The following MAPKAP1 variants were observed in gnomAD, a reference collection of about 807,000 sequenced individuals.
MAPKAP1 encodes MAPK associated protein 1, also known as target of rapamycin complex 2 subunit MAPKAP1.
In MAPKAP1, 20 loss-of-function variants were observed where a neutral mutation model predicts 65.7. The ratio of observed to expected loss-of-function variants is 0.30; its 90% CI spans 0.21 to 0.44. The LOEUF is 0.44. Among genes scored for constraint, MAPKAP1 ranks in the 20% least tolerant of loss-of-function variants. The pLI is 1.00. For synonymous variants in MAPKAP1, 222 were observed against 244.3 expected, an observed-to-expected ratio of 0.91 and a Z score of 0.85; for missense variants, 423 against 648.0, an observed-to-expected ratio of 0.65 and a Z score of 3.77.
chr9:125,457,938 C>T (rs997540416), intron 10 of MAPKAP1, among the ~76,000 whole-genome samples: 1 of 152,188 alleles, frequency 6.6e-6, no homozygotes, highest in Non-Finnish European at 1.5e-5. Context: ...TGCAAATTTC[C>T]GTTGCTTTAG....
rs766781654 is a variant in MAPKAP1 at position 125,447,493 on chromosome 9, G to A, written c.1346-2895C>T. ...AAGGAGTGATGAGCGGAACCCTGGG[G>A]GGCAAGGGCAGGTTAAGATCAGCAG... On this transcript the variant is annotated intron_variant, in intron 10 of 11. Coordinates refer to ENST00000265960, the MANE Select transcript of MAPKAP1 (RefSeq NM_001006617.3). The surrounding 1 kb of genome is among the most constrained non-coding windows in gnomAD (Gnocchi z 4.5). The A allele has an allele frequency of 3.1e-5, 14 of 456,432 alleles. No homozygotes were observed. The highest frequency in any genetic ancestry group is 2.0e-4 in the South Asian group (13 of 64,560). The allele number at this position is 456,432 out of a possible 1,614,324, so 28.3% of individuals were successfully genotyped here. A position where few individuals can be genotyped will look rare whatever the true frequency, so the allele number is the denominator to read the frequency against.
intron 4 of MAPKAP1, among the ~76,000 whole-genome samples, chr9:125,603,110 T>C (rs537492004): frequency 6.6e-6 from 1 of 152,098 alleles, no homozygotes; most frequent in East Asian, 1.9e-4. Context: ...GTCTCAATTA[T>C]GTTGCCCAGG....
At chr9:125,548,297 C>T (rs1025388426) in intron 6 of MAPKAP1, among the ~76,000 whole-genome samples, 4 of 152,192 alleles carry the variant, frequency 2.6e-5, no homozygotes, top group African/African-American at 9.7e-5. Flanking sequence ...GTGACAGTCA[C>T]AAAGGTGGAG....
chr9:125,563,988 GGCGTGA>G (rs1164455569), intron 5 of MAPKAP1, among the ~76,000 whole-genome samples: 1 of 152,224 alleles, frequency 6.6e-6, no homozygotes, highest in African/African-American at 2.4e-5. Context: ...TGGGATTATA[GGCGTGA>G]GCCACCATGC....
In MAPKAP1 at chr9:125,684,784, C is replaced by A. The variant is rs149384393; in HGVS notation, c.-69-12141G>T. Among the ~76,000 whole-genome samples, 650 of 152,272 alleles carry A rather than the reference C, an allele frequency of 4.3e-3. 7 individuals carry two copies. The highest frequency in any genetic ancestry group is 0.015 in the African/African-American group (612 of 41,534). On this transcript the variant is annotated intron_variant, in intron 1 of 11. Transcript: ENST00000265960. ...GTAGCCTTAACCTCCTGGGCTCAGG[C>A]GATCCTCCCAACTTGGCCTCTCAGG...
chr9:125,543,884 T>C (rs1219955708), intron 6 of MAPKAP1, among the ~76,000 whole-genome samples: 1 of 152,162 alleles, frequency 6.6e-6, no homozygotes, highest in Non-Finnish European at 1.5e-5. Context: ...AGGCAGATAC[T>C]GCCATCATAC....
intron 4 of MAPKAP1, among the ~76,000 whole-genome samples, chr9:125,603,240 CA>C (rs1235359599): frequency 6.6e-6 from 1 of 152,120 alleles, no homozygotes; most frequent in Non-Finnish European, 1.5e-5. Context: ...AAGCAGTGGT[CA>C]AGCACCAACT....
At chr9:125,581,254 G>A (rs367945508) in intron 5 of MAPKAP1, among the ~76,000 whole-genome samples, 29 of 152,326 alleles carry the variant, frequency 1.9e-4, no homozygotes, top group Admixed American at 1.5e-3. Flanking sequence ...GTAAATTCAC[G>A]TTTAGCTTTA....
At chr9:125,640,622 C>G (rs1378852471) in intron 4 of MAPKAP1, among the ~76,000 whole-genome samples, 3 of 152,178 alleles carry the variant, frequency 2.0e-5, no homozygotes, top group Non-Finnish European at 2.9e-5. Flanking sequence ...GACCATAATA[C>G]TATGTAATTC....
chr9:125,663,513 C>A (rs1454545313), intron 3 of MAPKAP1, among the ~76,000 whole-genome samples: 1 of 152,202 alleles, frequency 6.6e-6, no homozygotes. Flanking sequence ...CCCATTCTGG[C>A]ACATTATGTT....
At chr9:125,641,645 C>T (rs184292892) in intron 4 of MAPKAP1, among the ~76,000 whole-genome samples, 1 of 152,158 alleles carries the variant, frequency 6.6e-6, no homozygotes, top group Non-Finnish European at 1.5e-5. Context: ...GCAGCTCACA[C>T]CTGTAATCCC....
intron 4 of MAPKAP1, among the ~76,000 whole-genome samples, chr9:125,632,895 C>CA (rs1393743664): frequency 1.3e-5 from 2 of 152,208 alleles, no homozygotes; most frequent in Non-Finnish European, 2.9e-5. Context: ...GAATACTATG[C>CA]AAAAATTGAT....
chr9:125,599,176 C>T (rs1015632472), intron 4 of MAPKAP1, among the ~76,000 whole-genome samples: 3 of 152,036 alleles, frequency 2.0e-5, no homozygotes, highest in African/African-American at 7.2e-5. Flanking sequence ...AAAAATATTG[C>T]TGTTCATAGA....
At chr9:125,563,611 G>A (rs576028769) in intron 5 of MAPKAP1, among the ~76,000 whole-genome samples, 28 of 152,166 alleles carry the variant, frequency 1.8e-4, no homozygotes, top group Non-Finnish European at 3.8e-4. Context: ...AGAGTAAAAT[G>A]ACTGGCATTT....
intron 10 of MAPKAP1, among the ~76,000 whole-genome samples, chr9:125,454,465 A>G (rs1169165409): frequency 1.3e-5 from 2 of 152,236 alleles, no homozygotes; most frequent in Non-Finnish European, 2.9e-5. Flanking sequence ...TTGTGCAAAA[A>G]GCCCTTTTCC....
chr9:125,575,648 C>T (rs564748445), intron 5 of MAPKAP1, among the ~76,000 whole-genome samples: 4 of 152,244 alleles, frequency 2.6e-5, no homozygotes, highest in South Asian at 2.1e-4. Flanking sequence ...ATTAAAACAA[C>T]GACATACCAC....
Position 125,598,282 on chromosome 9 carries a change from G to A in MAPKAP1, c.499-12555C>T, listed in dbSNP as rs141818822. On this transcript the variant is annotated intron_variant, in intron 4 of 11. Coordinates refer to ENST00000265960, the MANE Select transcript of MAPKAP1 (RefSeq NM_001006617.3). ...GCTATCTTAATCTTCAATAAATCTG[G>A]AATGCTTAAAGGCTATTAAATTAAC... is the stretch of plus-strand genomic sequence containing the variant. 4.4e-3 allele frequency among the ~76,000 whole-genome samples: 675 copies of A among 152,228 alleles called. 7 individuals carry two copies. The highest frequency in any genetic ancestry group is 0.015 in the African/African-American group (633 of 41,544).
At chr9:125,603,277 G>A (rs186992668) in intron 4 of MAPKAP1, among the ~76,000 whole-genome samples, 2 of 152,182 alleles carry the variant, frequency 1.3e-5, no homozygotes, top group African/African-American at 4.8e-5. Flanking sequence ...ATCTGTACTC[G>A]GATTATGAGG....
intron 4 of MAPKAP1, among the ~76,000 whole-genome samples, chr9:125,623,414 T>A (rs1341042624): frequency 3.4e-5 from 1 of 29,422 alleles, no homozygotes; most frequent in African/African-American, 1.0e-4. Context: ...CGGCCGCCCA[T>A]CGTCTGAGAT....
Sources: allele counts gnomAD v4.1 joint callset (sites outside exome capture counted in the v4.1 genomes callset), GRCh38; gene constraint gnomAD v4.1.1; non-coding constraint Gnocchi (gnomAD v3.1); transcripts MANE v1.5; gene names NCBI Gene and HGNC (gene_info 2026-07-23, HGNC 2026-07-21).